The following ABHD2 variants were observed in gnomAD, a reference collection of about 807,000 sequenced individuals.
ABHD2 encodes the protein abhydrolase domain containing 2, acylglycerol lipase.
ABHD2 carries 20 observed loss-of-function variants against 48.1 expected under a neutral mutation model. That is an observed-to-expected ratio of 0.42 (90% CI 0.29 to 0.60). The LOEUF (loss-of-function observed/expected upper bound fraction) is 0.60, where lower values mean the gene tolerates loss of function less well. Among genes scored for constraint, ABHD2 ranks in the 20% least tolerant of loss-of-function variants. The pLI, the probability that ABHD2 is intolerant of heterozygous loss-of-function variation, is 0.24. For synonymous variants in ABHD2, 209 were observed against 214.2 expected, an observed-to-expected ratio of 0.98 and a Z score of 0.21; for missense variants, 405 against 550.9, an observed-to-expected ratio of 0.74 and a Z score of 2.65.
Position 89,200,916 on chromosome 15 carries a change from T to G in ABHD2, c.*5493T>G, listed in dbSNP as rs2051460080. 9.4e-6 allele frequency: 4 copies of G among 427,598 alleles called. No homozygotes were observed. Among genetic ancestry groups the G allele is most frequent in the Admixed American group, 3.9e-5 (1 of 25,386 alleles). 26.5% of individuals were successfully genotyped at this position (427,598 alleles called of 1,614,324 possible). A position where few individuals can be genotyped will look rare whatever the true frequency, so the allele number is the denominator to read the frequency against. On this transcript the variant is annotated 3_prime_UTR_variant, in exon 11 of 11. Coordinates refer to ENST00000352732, the MANE Select transcript of ABHD2 (RefSeq NM_152924.5). ...GGCCAACATGGTGAAACCCCTTCTC[T>G]ACTAAAAATGCAAAAATTAGCTGGG...
rs750470272 is a variant in ABHD2 at position 89,177,648 on chromosome 15, T to A, written c.722+1653T>A. ...CCCCATCTTCCTACCAGGAATCTTTTCCTTCACTCCTCTGGACACTGGGGA... is the reference window on the plus strand; with the variant it reads ...CCCCATCTTCCTACCAGGAATCTTTACCTTCACTCCTCTGGACACTGGGGA... On this transcript the variant is annotated intron_variant, in intron 6 of 10. Transcript: ENST00000352732. The surrounding 1 kb of genome is among the most constrained non-coding windows in gnomAD (Gnocchi z 5.6). 1.3e-5 allele frequency among the ~76,000 whole-genome samples: 2 copies of A among 152,066 alleles called. No individual in the cohort carries two copies. Among genetic ancestry groups the A allele is most frequent in the African/African-American group, 2.4e-5 (1 of 41,388 alleles).
At chr15:89,115,627 A>G (rs1313445408) in intron 2 of ABHD2, among the ~76,000 whole-genome samples, 2 of 152,154 alleles carry the variant, frequency 1.3e-5, no homozygotes, top group Admixed American at 1.3e-4. Flanking sequence ...AACAAAACAA[A>G]CTAGCCGAGC....
rs1324426248 is a variant in ABHD2 at position 89,166,763 on chromosome 15, C to A, written c.539-9049C>A. 6.6e-6 allele frequency among the ~76,000 whole-genome samples: 1 copy of A among 152,190 alleles called. No homozygotes were observed. The highest frequency in any genetic ancestry group is 1.5e-5 in the Non-Finnish European group (1 of 68,026). On this transcript the variant is annotated intron_variant, in intron 5 of 10. Coordinates refer to ENST00000352732, the MANE Select transcript of ABHD2 (RefSeq NM_152924.5). This position sits in a 1 kb window ranked among gnomAD's most constrained non-coding sequence, Gnocchi z 4.6. ...AAGGCTACACTGAGCTGTGATCATG[C>A]CACTGCACAGCCTGAGCTACAGAGT...
the ABHD2 span, among the ~76,000 whole-genome samples, chr15:89,054,194 C>T: frequency 2.4e-4 from 36 of 151,620 alleles, no homozygotes; most frequent in African/African-American, 6.6e-4. Context: ...TGGTGACACA[C>T]GCCTGTAGTC....
chr15:89,045,333 T>A, the ABHD2 span, among the ~76,000 whole-genome samples: 1 of 152,142 alleles, frequency 6.6e-6, no homozygotes, highest in Admixed American at 6.5e-5. Context: ...TGAAGTCAGG[T>A]AGTGTGACGC....
rs1171967858 is a variant in ABHD2 at position 89,183,380 on chromosome 15, AAAAAATAT to A, written c.723-2042_723-2035del. The A allele has an allele frequency of 8.0e-3, 467 of 58,282 alleles. 1 individual carries two copies. Among genetic ancestry groups the A allele is most frequent in the Non-Finnish European group, 0.011 (347 of 30,490 alleles). The allele number at this position is 58,282 out of a possible 1,614,324, so 3.6% of individuals were successfully genotyped here. On this transcript the variant is annotated intron_variant, in intron 6 of 10. Coordinates refer to ENST00000352732, the MANE Select transcript of ABHD2 (RefSeq NM_152924.5). ...CATCAGTCCTTTTCAAAAAAAAAAA[AAAAAATAT>A]ATATATATATATATATATATATATA...
the ABHD2 span, among the ~76,000 whole-genome samples, chr15:89,068,576 C>T: frequency 2.0e-5 from 3 of 152,250 alleles, no homozygotes; most frequent in South Asian, 6.2e-4. Flanking sequence ...TGGGCTTCAT[C>T]AGACTAGCTG....
intron 3 of ABHD2, among the ~76,000 whole-genome samples, chr15:89,127,720 C>CATATATTATATATATATTAT (rs1567080056): frequency 1.4e-5 from 1 of 69,784 alleles, no homozygotes; most frequent in African/African-American, 5.5e-5. Context: ...TATATATATA[C>CATATATTATATATATATTAT]ACATATATAT....
the ABHD2 span, among the ~76,000 whole-genome samples, chr15:89,070,668 A>G: frequency 6.6e-6 from 1 of 152,156 alleles, no homozygotes; most frequent in Non-Finnish European, 1.5e-5. Context: ...GAGAGACATG[A>G]TATTGGTCAA....
rs906900199 is a variant in ABHD2 at position 89,170,843 on chromosome 15, C to T, written c.539-4969C>T. Among the ~76,000 whole-genome samples the T allele has an allele frequency of 5.9e-5, 9 of 152,124 alleles. No individual in the cohort carries two copies. The East Asian group carries it at 7.7e-4, about 13-fold the overall frequency. On this transcript the variant is annotated intron_variant, in intron 5 of 10. Coordinates refer to ENST00000352732, the MANE Select transcript of ABHD2 (RefSeq NM_152924.5). ...CTTTTAAAAGACAAAAGAGGCCGGG[C>T]GCGGTGGCTCACACCTGTAATCCCA...
At chr15:89,081,166 A>ATT in the ABHD2 span, among the ~76,000 whole-genome samples, 323 of 115,290 alleles carry the variant, frequency 2.8e-3, 5 homozygotes, top group African/African-American at 9.1e-3. Context: ...TGCCCAGCTA[A>ATT]TTTTTTTTTT....
chr15:89,108,453 C>T (rs1396645915), intron 1 of ABHD2, among the ~76,000 whole-genome samples: 3 of 152,200 alleles, frequency 2.0e-5, no homozygotes, highest in Non-Finnish European at 4.4e-5. Context: ...CCAACGAGTA[C>T]GACCCCATCT....
At chr15:89,083,923 C>T (rs560076003), upstream of ABHD2, among the ~76,000 whole-genome samples, 2 of 152,308 alleles carry the variant, frequency 1.3e-5, no homozygotes, top group Admixed American at 1.3e-4. The surrounding 1 kb of genome is among the most constrained non-coding windows in gnomAD (Gnocchi z 5.1). Context: ...ACAGGACATT[C>T]TGAACCTCCT....
Position 89,196,530 on chromosome 15 carries a change from T to C in ABHD2, c.*1107T>C, listed in dbSNP as rs913981176. On this transcript the variant is annotated 3_prime_UTR_variant, in exon 11 of 11. Coordinates refer to ENST00000352732, the MANE Select transcript of ABHD2 (RefSeq NM_152924.5). ...CCCTCCAGGGGAGCCTGGGAGCTGC[T>C]CTCCCAGTCTAAGCATGTAGATATC... 1.3e-5 allele frequency: 2 copies of C among 152,192 alleles called. No individual in the cohort carries two copies. Among genetic ancestry groups the C allele is most frequent in the African/African-American group, 2.4e-5 (1 of 41,440 alleles). The allele number at this position is 152,192 out of a possible 1,614,324, so 9.4% of individuals were successfully genotyped here.
At chr15:89,161,611 G>A (rs774724665) in intron 5 of ABHD2, among the ~76,000 whole-genome samples, 8 of 152,168 alleles carry the variant, frequency 5.3e-5, no homozygotes, top group African/African-American at 9.7e-5. Flanking sequence ...ATGTTGGCCA[G>A]ACTGGTGTCG....
Position 89,114,709 on chromosome 15 carries a change from C to G in ABHD2, c.-7+885C>G, listed in dbSNP as rs1053172211. Among the ~76,000 whole-genome samples the G allele has an allele frequency of 3.9e-5, 6 of 152,126 alleles. No individual in the cohort carries two copies. Among genetic ancestry groups the G allele is most frequent in the African/African-American group, 1.4e-4 (6 of 41,408 alleles). On this transcript the variant is annotated intron_variant, in intron 2 of 10. Transcript: ENST00000352732. This position sits in a 1 kb window ranked among gnomAD's most constrained non-coding sequence, Gnocchi z 4.2. ...TGTTGGCCAGGGCTGGTCTCGAACT[C>G]CTGAGCTCAAGTGATCCACCCACTT...
intron 6 of ABHD2, among the ~76,000 whole-genome samples, chr15:89,183,107 A>T (rs1596155208): frequency 6.6e-6 from 1 of 152,094 alleles, no homozygotes; most frequent in East Asian, 1.9e-4. Context: ...CACAAATACC[A>T]TCATCACCCA....
the ABHD2 span, among the ~76,000 whole-genome samples, chr15:89,070,754 G>C: frequency 6.6e-6 from 1 of 152,140 alleles, no homozygotes; most frequent in African/African-American, 2.4e-5. Flanking sequence ...CAGCAGATAT[G>C]GGTAATCATT....
chr15:89,043,862 C>A, the ABHD2 span, among the ~76,000 whole-genome samples: 10 of 150,718 alleles, frequency 6.6e-5, no homozygotes, highest in African/African-American at 1.9e-4. Flanking sequence ...TGTTCCCCTC[C>A]TCTTTGTATT....
Sources: allele counts gnomAD v4.1 joint callset (sites outside exome capture counted in the v4.1 genomes callset), GRCh38; gene constraint gnomAD v4.1.1; non-coding constraint Gnocchi (gnomAD v3.1); transcripts MANE v1.5; gene names NCBI Gene and HGNC (gene_info 2026-07-23, HGNC 2026-07-21).